Variants in IRX1 observed in about 807,000 individuals in gnomAD.
IRX1 encodes iroquois homeobox 1.
Under a neutral mutation model 34.1 loss-of-function variants are expected in IRX1, and 22 were observed. The observed-to-expected ratio is 0.64, with a 90% confidence interval of 0.46 to 0.92. The LOEUF (loss-of-function observed/expected upper bound fraction) is 0.92. Among genes scored for constraint, IRX1 ranks in the 40% least tolerant of loss-of-function variants. The probability of loss-of-function intolerance (pLI) is 0.00; values close to 1 mark genes in which losing one functional copy is unlikely to be tolerated. For synonymous variants in IRX1, 363 were observed against 319.0 expected, an observed-to-expected ratio of 1.14 and a Z score of -1.47; for missense variants, 758 against 680.0, an observed-to-expected ratio of 1.11 and a Z score of -1.28.
intron 1 of IRX1, among the ~76,000 whole-genome samples, chr5:3,598,459 G>A (rs1733850265): frequency 2.0e-5 from 3 of 152,130 alleles, no homozygotes; most frequent in Admixed American, 2.0e-4. Flanking sequence ...CCTCCTGGCC[G>A]CCGGTGGCTC....
rs1423161273 is a variant in IRX1 at position 3,600,994 on chromosome 5, C to A, written c.1397C>A (p.Pro466Gln). ...FQPVRDNSLA[P>Q]QEGTPRILAA... is the part of the protein sequence containing the mutation. ...TGTTTCCCATGCAGCTCTCTGGCCC[C>A]GCAGGAGGGAACGCCGCGGATCCTA... The change falls in exon 4 of 4, where the codon CCG (proline) becomes CAG (glutamine). Residue 466 changes from proline to glutamine, a missense_variant. By Grantham distance (76) the Pro-to-Gln change is moderately conservative. This residue lies in a region of IRX1 where 529 missense variants were observed against 418.8 expected (regional missense o/e 1.26). Coordinates refer to ENST00000302006, the MANE Select transcript of IRX1 (RefSeq NM_024337.4). 1 of 1,612,794 alleles carries A rather than the reference C, an allele frequency of 6.2e-7. No homozygotes were observed. The highest frequency in any genetic ancestry group is 8.5e-7 in the Non-Finnish European group (1 of 1,179,706).
intron 3 of IRX1, 90 bp downstream of exon 3, chr5:3,600,771 G>C: frequency 1.5e-6 from 2 of 1,298,826 alleles, no homozygotes; most frequent in East Asian, 2.4e-5. Flanking sequence ...GCTGGGTGGC[G>C]GTGGGGGTCG....
intron 1 of IRX1, among the ~76,000 whole-genome samples, 197 bp downstream of exon 1, chr5:3,596,578 G>A (rs1011145826): frequency 1.3e-5 from 2 of 152,274 alleles, no homozygotes; most frequent in African/African-American, 4.8e-5. Flanking sequence ...GCGGGTGACG[G>A]CTGGGCCATC....
intron 2 of IRX1, 95 bp downstream of exon 2, chr5:3,600,355 T>G (rs1580012852): frequency 8.1e-7 from 1 of 1,230,592 alleles, no homozygotes. Context: ...GCCGGGAGGG[T>G]ACCAGGCAGT....
intron 1 of IRX1, 49 bp downstream of exon 1, chr5:3,596,430 G>C (rs1187984396): frequency 7.1e-7 from 1 of 1,401,766 alleles, no homozygotes. Flanking sequence ...ACCCGCGCCA[G>C]GGCAAGGGTG....
Position 3,599,808 on chromosome 5 carries a change from A to G in IRX1, c.860A>G (p.Glu287Gly), listed in dbSNP as rs576471784. 2.0e-5 allele frequency: 32 copies of G among 1,587,966 alleles called. No individual in the cohort carries two copies. Among genetic ancestry groups the G allele is most frequent in the Admixed American group, 1.1e-4 (6 of 55,988 alleles). The change falls in exon 2 of 4, where the codon GAG becomes GGG. Residue 287 changes from glutamate to glycine, a missense_variant. By Grantham distance (98) the Glu-to-Gly change is moderately conservative. This residue lies in a region of IRX1 where 529 missense variants were observed against 418.8 expected (regional missense o/e 1.26). Coordinates refer to ENST00000302006, the MANE Select transcript of IRX1 (RefSeq NM_024337.4). This position sits in a 1 kb window ranked among gnomAD's most constrained non-coding sequence, Gnocchi z 6.6. ...GACTCGCCCTTGGGCCTGGCAAAGGAGGCCCCAGAGCCGGGCAGCACGCGC... is the reference window on the plus strand; with the variant it reads ...GACTCGCCCTTGGGCCTGGCAAAGGGGGCCCCAGAGCCGGGCAGCACGCGC... ...PQDSPLGLAK[E>G]APEPGSTRLL...
chr5:3,595,968 G>A lies in IRX1; in HGVS notation c.-138G>A. Reference sequence around the variant, plus strand: ...GCGACCGGCCTCCATCTCCCGGCCCGCCCGAGCGCGCCCGGCCGGCCGCCC... The same window carrying A: ...GCGACCGGCCTCCATCTCCCGGCCCACCCGAGCGCGCCCGGCCGGCCGCCC... On this transcript the variant is annotated 5_prime_UTR_variant, in exon 1 of 4. Transcript: ENST00000302006. The A allele has an allele frequency of 5.0e-6, 2 of 399,756 alleles. No homozygotes were observed. The highest frequency in any genetic ancestry group is 2.2e-5 in the African/African-American group (1 of 45,744). The allele number at this position is 399,756 out of a possible 1,614,324, so 24.8% of individuals were successfully genotyped here.
At chr5:3,600,747 C>A (rs1733942619) in intron 3 of IRX1, 66 bp downstream of exon 3, 1 of 1,456,944 alleles carries the variant, frequency 6.9e-7, no homozygotes, top group African/African-American at 1.4e-5. Context: ...GTGGTCGGGA[C>A]CCGGGCGGAG....
chr5:3,600,879 C>A, intron 3 of IRX1, 104 bp from the exon 4 acceptor site: 1 of 1,312,260 alleles, frequency 7.6e-7, no homozygotes, highest in South Asian at 1.2e-5. Flanking sequence ...CGCTGGCTGT[C>A]GACCCCGCCC....
chr5:3,598,809 C>A (rs1057283578), intron 1 of IRX1, among the ~76,000 whole-genome samples: 1 of 152,176 alleles, frequency 6.6e-6, no homozygotes, highest in Non-Finnish European at 1.5e-5. Flanking sequence ...AGGTTTTTCC[C>A]TCTAGCTAGT....
chr5:3,600,691 G>A lies in IRX1; in HGVS notation c.1385+10G>A. Reference sequence around the variant, plus strand: ...AGCCGGTACGCGACAAGTGAGTGCTGTTTGCTTTTGCTATGGGAGAAGGCG... The same window carrying A: ...AGCCGGTACGCGACAAGTGAGTGCTATTTGCTTTTGCTATGGGAGAAGGCG... On this transcript the variant is annotated intron_variant, in intron 3 of 3. Coordinates refer to ENST00000302006, the MANE Select transcript of IRX1 (RefSeq NM_024337.4). 1 of 1,589,048 alleles carries A rather than the reference G, an allele frequency of 6.3e-7. No individual in the cohort carries two copies. The highest frequency in any genetic ancestry group is 8.6e-7 in the Non-Finnish European group (1 of 1,164,498).
Position 3,601,137 on chromosome 5 carries a change from A to G in IRX1, c.*97A>G. ...TAAGACAAATATTTCAGACTGGTGT[A>G]AAGGACAAATATGACAACGACGTCA... On this transcript the variant is annotated 3_prime_UTR_variant, in exon 4 of 4. Transcript: ENST00000302006. The G allele has an allele frequency of 1.7e-6, 2 of 1,148,566 alleles. No homozygotes were observed. The highest frequency in any genetic ancestry group is 2.6e-6 in the Non-Finnish European group (2 of 773,648). 71.1% of individuals were successfully genotyped at this position (1,148,566 alleles called of 1,614,324 possible).
rs753083936 is a variant in IRX1, at chr5:3,599,592, A to G, written c.644A>G (p.Glu215Gly). 3.7e-6 allele frequency: 6 copies of G among 1,614,068 alleles called. No homozygotes were observed. The South Asian group carries it at 6.6e-5, about 18-fold the overall frequency. ...GGCAGCGACACCGAGGGCGACCCGG[A>G]GAAGGCCGAGGACGACGAGGAGATC... ...LFGSDTEGDP[E>G]KAEDDEEIDL... The change falls in exon 2 of 4, where the codon GAG becomes GGG. Residue 215 changes from glutamate (E) to glycine (G), a missense_variant. Glu to Gly is a moderately conservative substitution (Grantham distance 98). This residue lies in a region of IRX1 where 529 missense variants were observed against 418.8 expected (regional missense o/e 1.26). Transcript: ENST00000302006. The surrounding 1 kb of genome is among the most constrained non-coding windows in gnomAD (Gnocchi z 6.6).
chr5:3,597,933 C>T (rs934613296), intron 1 of IRX1, among the ~76,000 whole-genome samples: 2 of 152,070 alleles, frequency 1.3e-5, no homozygotes, highest in Admixed American at 6.5e-5. Context: ...CCTGTGTTTG[C>T]GGGGGAGGGA....
At chr5:3,596,595 T>A (rs1251713836) in intron 1 of IRX1, among the ~76,000 whole-genome samples, 1 of 151,812 alleles carries the variant, frequency 6.6e-6, no homozygotes, top group Admixed American at 6.5e-5. Context: ...CATCTCGGCC[T>A]GGGAAAGCGG....
chr5:3,599,956 AC>A lies in IRX1; in HGVS notation c.1011del (p.Ala338ArgfsTer115). On this transcript the variant is annotated frameshift_variant, in exon 2 of 4. Coordinates refer to ENST00000302006, the MANE Select transcript of IRX1 (RefSeq NM_024337.4). LOFTEE classifies it high-confidence loss of function. The surrounding 1 kb of genome is among the most constrained non-coding windows in gnomAD (Gnocchi z 6.6). The part of the protein sequence containing the change: ...DGAPKASPPP[P>X]AGHPGAHGPS... ...GTGCGCCCAAGGCTTCGCCACCACC[AC>A]CCGCGGGCCACCCCGGCGCGCACGG... 6.7e-7 allele frequency: 1 copy of A among 1,502,324 alleles called. No individual in the cohort carries two copies. The highest frequency in any genetic ancestry group is 8.9e-7 in the Non-Finnish European group (1 of 1,122,132). 93.1% of individuals were successfully genotyped at this position (1,502,324 alleles called of 1,614,324 possible).
In IRX1 at chr5:3,601,345, C is replaced by G. The variant is rs1733965402; in HGVS notation, c.*305C>G. 3 of 431,252 alleles carry G rather than the reference C, an allele frequency of 7.0e-6. No individual in the cohort carries two copies. Among genetic ancestry groups the G allele is most frequent in the African/African-American group, 2.0e-5 (1 of 49,394 alleles). 26.7% of individuals were successfully genotyped at this position (431,252 alleles called of 1,614,324 possible). A position where few individuals can be genotyped will look rare whatever the true frequency, so the allele number is the denominator to read the frequency against. ...TAGAGTGGTTTCAGATTGTAAATAG[C>G]GCGTCAGCGAACTTGTCTAAATCAT... On this transcript the variant is annotated 3_prime_UTR_variant, in exon 4 of 4. Transcript: ENST00000302006.
At chr5:3,600,710 G>A (rs1048594346) in intron 3 of IRX1, 29 bp downstream of exon 3, 5 of 1,575,462 alleles carry the variant, frequency 3.2e-6, no homozygotes, top group Admixed American at 1.7e-5. Context: ...TGCTATGGGA[G>A]AAGGCGGTGG....
chr5:3,600,032 G>A lies in IRX1; in HGVS notation c.1084G>A (p.Gly362Arg), dbSNP rs1011645493. ...ACACCCCGCCTTCCTGCCTAGCCACGGACTGTACACCTGCCACATCGGCAA... is the reference window on the plus strand; with the variant it reads ...ACACCCCGCCTTCCTGCCTAGCCACAGACTGTACACCTGCCACATCGGCAA... ...LQHPAFLPSH[G>R]LYTCHIGKFS... is the part of the protein sequence containing the mutation. The change falls in exon 2 of 4, where the codon GGA becomes AGA. Residue 362 changes from glycine to arginine, a missense_variant. By Grantham distance (125) the Gly-to-Arg change is moderately radical. Transcript: ENST00000302006. 8 of 1,585,004 alleles carry A rather than the reference G, an allele frequency of 5.0e-6. No individual in the cohort carries two copies. Among genetic ancestry groups the A allele is most frequent in the Non-Finnish European group, 6.9e-6 (8 of 1,163,186 alleles).
Sources: allele counts gnomAD v4.1 joint callset (sites outside exome capture counted in the v4.1 genomes callset), GRCh38; gene constraint gnomAD v4.1.1; regional missense constraint gnomAD v4.1.1; non-coding constraint Gnocchi (gnomAD v3.1); transcripts MANE v1.5; gene names NCBI Gene and HGNC (gene_info 2026-07-23, HGNC 2026-07-21).